Variants in DMAC2L observed in about 807,000 individuals in gnomAD.
DMAC2L encodes ATP synthase subunit s, mitochondrial.
In DMAC2L, 21 loss-of-function variants were observed where a neutral mutation model predicts 22.5. That is an observed-to-expected ratio of 0.93 (90% CI 0.66 to 1.34). The LOEUF is 1.34. Ranked by LOEUF, DMAC2L falls within the 40% of genes most tolerant of loss-of-function variation. The pLI, the probability that DMAC2L is intolerant of heterozygous loss-of-function variation, is 0.00. For synonymous variants in DMAC2L, 86 were observed against 89.5 expected (o/e 0.96, Z 0.22); for missense variants, 239 against 246.5 (o/e 0.97, Z 0.20).
At chr14:50,319,390 C>A in intron 2 of DMAC2L, 1 of 1,507,674 alleles carries the variant, frequency 6.6e-7, no homozygotes, top group Non-Finnish European at 8.9e-7. Context: ...GTGTTTCCCT[C>A]TCAGGCATCT....
chr14:50,324,152 G>A, intron 5 of DMAC2L, 36 bp downstream of exon 5: 2 of 1,565,248 alleles, frequency 1.3e-6, no homozygotes, highest in Non-Finnish European at 1.7e-6. Flanking sequence ...ACTTGATAAT[G>A]CTGTTAAGGT....
rs574600945 is a variant in DMAC2L at position 50,312,347 on chromosome 14, G to T, written c.-84G>T. On this transcript the variant is annotated 5_prime_UTR_variant, in exon 1 of 6. Coordinates refer to ENST00000557421, the MANE Select transcript of DMAC2L (RefSeq NM_001382507.1). The stretch of plus-strand genomic sequence containing the variant: ...AAGGGCCGGCCAGGGTGCCGCAGAC[G>T]CGGGGACGCTGGCTCGCTCCCTCCC... The T allele has an allele frequency of 2.9e-4, 208 of 712,520 alleles. 1 individual carries two copies. The Middle Eastern group carries it at 4.0e-3, about 14-fold the overall frequency. 44.1% of individuals were successfully genotyped at this position (712,520 alleles called of 1,614,324 possible). A position where few individuals can be genotyped will look rare whatever the true frequency, so the allele number is the denominator to read the frequency against.
intron 1 of DMAC2L, chr14:50,313,198 A>G (rs1485042845): frequency 1.4e-6 from 1 of 711,900 alleles, no homozygotes; most frequent in African/African-American, 1.8e-5. Flanking sequence ...GCAGTTTTTA[A>G]TTTTTAGGGT....
rs1302906800 is a variant in DMAC2L, at chr14:50,326,706, G to A, written c.*983G>A. The A allele has an allele frequency of 4.3e-5, 42 of 985,286 alleles. No homozygotes were observed. Among genetic ancestry groups the A allele is most frequent in the Non-Finnish European group, 4.8e-5 (40 of 829,942 alleles). The allele number at this position is 985,286 out of a possible 1,614,324, so 61.0% of individuals were successfully genotyped here. ...AGATTGCAATATAATAAAGGAAACA[G>A]TAAAAACTAGTGGGCTATGCTTAGG... On this transcript the variant is annotated 3_prime_UTR_variant, in exon 6 of 6. Transcript: ENST00000557421.
At chr14:50,318,133 T>C (rs1452127844) in intron 2 of DMAC2L, among the ~76,000 whole-genome samples, 4 of 152,194 alleles carry the variant, frequency 2.6e-5, no homozygotes, top group Non-Finnish European at 5.9e-5. Flanking sequence ...AGTAATTTAG[T>C]AGTGGTTATT....
intron 1 of DMAC2L, chr14:50,312,855 C>A (rs2031373671): frequency 2.9e-6 from 2 of 685,030 alleles, no homozygotes; most frequent in East Asian, 2.6e-5. Flanking sequence ...TTATGGGGCT[C>A]CTGGCGGTGC....
chr14:50,316,804 GTA>G (rs1312299245), intron 2 of DMAC2L, among the ~76,000 whole-genome samples: 2 of 152,136 alleles, frequency 1.3e-5, no homozygotes, highest in East Asian at 3.8e-4. Flanking sequence ...TGGCCTTATG[GTA>G]TAGTTTGAAA....
intron 2 of DMAC2L, among the ~76,000 whole-genome samples, chr14:50,315,724 G>A (rs934062335): frequency 2.7e-5 from 4 of 148,562 alleles, no homozygotes; most frequent in East Asian, 2.0e-4. Flanking sequence ...AGGTTGCTGC[G>A]AATGCCATTA....
At chr14:50,314,897 C>T (rs998453317) in intron 2 of DMAC2L, among the ~76,000 whole-genome samples, 2 of 152,194 alleles carry the variant, frequency 1.3e-5, no homozygotes, top group Non-Finnish European at 2.9e-5. Context: ...CTGCCTCAGC[C>T]TCCCAAAGTG....
Position 50,323,953 on chromosome 14 carries a change from G to T in DMAC2L, c.325G>T (p.Glu109Ter). The change falls in exon 5 of 6, where the codon GAG becomes TAG. Residue 109 changes from glutamate (E) to a stop codon, truncating the protein, a stop_gained. Coordinates refer to ENST00000557421, the MANE Select transcript of DMAC2L (RefSeq NM_001382507.1). LOFTEE classifies it high-confidence loss of function. Reference protein sequence around the residue: ...SIGFDHMEGLEHVEKIRLCKC... With the variant: ...SIGFDHMEGL ...GTACTTTTTCTCCCCAGAGGGCCTA[G>T]AGCATGTTGAAAAAATAAGGCTGTG... 1.2e-6 allele frequency: 2 copies of T among 1,610,444 alleles called. No individual in the cohort carries two copies. Among genetic ancestry groups the T allele is most frequent in the South Asian group, 2.2e-5 (2 of 90,360 alleles).
chr14:50,320,824 A>G (rs1474350559), intron 2 of DMAC2L, among the ~76,000 whole-genome samples: 1 of 152,226 alleles, frequency 6.6e-6, no homozygotes, highest in Non-Finnish European at 1.5e-5. Flanking sequence ...AATTGAGGTC[A>G]ATCAAATCGA....
rs1430849400 is a variant in DMAC2L at position 50,326,867 on chromosome 14, C to T, written c.*1144C>T. ...ACCAATTTGGGCAACACAGTGAGAC[C>T]CCATCTCTAAAAAAATTTTAAAAAT... On this transcript the variant is annotated 3_prime_UTR_variant, in exon 6 of 6. Coordinates refer to ENST00000557421, the MANE Select transcript of DMAC2L (RefSeq NM_001382507.1). The T allele has an allele frequency of 7.1e-6, 4 of 560,576 alleles. No individual in the cohort carries two copies. The highest frequency in any genetic ancestry group is 9.0e-6 in the Non-Finnish European group (4 of 442,710). 34.7% of individuals were successfully genotyped at this position (560,576 alleles called of 1,614,324 possible). A position where few individuals can be genotyped will look rare whatever the true frequency, so the allele number is the denominator to read the frequency against.
At chr14:50,317,697 G>C (rs913926847) in intron 2 of DMAC2L, among the ~76,000 whole-genome samples, 1 of 152,038 alleles carries the variant, frequency 6.6e-6, no homozygotes, top group South Asian at 2.1e-4. Context: ...TTGAACCCAG[G>C]AGGCAGAGGT....
rs1198629491 is a variant in DMAC2L, at chr14:50,312,935, ACCGGAAGAACCAGACAGC to A, written c.-42+547_-42+564del. 32 of 1,489,938 alleles carry A rather than the reference ACCGGAAGAACCAGACAGC, an allele frequency of 2.1e-5. No individual in the cohort carries two copies. In the African/African-American group the frequency reaches 4.3e-4, roughly 20 times the overall value. 92.3% of individuals were successfully genotyped at this position (1,489,938 alleles called of 1,614,324 possible). ...CTCTGTACTCGACCCGGCACTGGGTACCGGAAGAACCAGACAGCTCGGTTTTTGCCACCATTTATAAGT... is the reference window on the plus strand; with the variant it reads ...CTCTGTACTCGACCCGGCACTGGGTATCGGTTTTTGCCACCATTTATAAGT... On this transcript the variant is annotated intron_variant, in intron 1 of 5. Transcript: ENST00000557421.
rs572292843 is a variant in DMAC2L at position 50,312,363 on chromosome 14, G to GCTCCCTCC, written c.-55_-48dup. The GCTCCCTCC allele has an allele frequency of 1.1e-4, 70 of 637,606 alleles. 1 individual carries two copies. The highest frequency in any genetic ancestry group is 2.4e-4 in the African/African-American group (13 of 54,534). The allele number at this position is 637,606 out of a possible 1,614,324, so 39.5% of individuals were successfully genotyped here. On this transcript the variant is annotated 5_prime_UTR_variant, in exon 1 of 6. Transcript: ENST00000557421. ...GCCGCAGACGCGGGGACGCTGGCTCGCTCCCTCCCTCCCTCCCTCCGACGC... is the reference window on the plus strand; with the variant it reads ...GCCGCAGACGCGGGGACGCTGGCTCGCTCCCTCCCTCCCTCCCTCCCTCCCTCCGACGC...
In DMAC2L at chr14:50,321,570, GC is replaced by G. The variant is rs546765090; in HGVS notation, c.84del (p.Trp29GlyfsTer2). 1.4e-5 allele frequency: 22 copies of G among 1,613,928 alleles called. No individual in the cohort carries two copies. The African/African-American group carries it at 2.8e-4, about 21-fold the overall frequency. ...TCATGTGACTCCAGATACTTCTGGG[GC>G]TGGTTGAATGCAGTGTTTAATAAGT... Reference protein sequence around the residue: ...PWSCDSRYFWGWLNAVFNKVD... With the variant: ...PWSCDSRYFWXWLNAVFNKVD... On this transcript the variant is annotated frameshift_variant, in exon 3 of 6. Coordinates refer to ENST00000557421, the MANE Select transcript of DMAC2L (RefSeq NM_001382507.1). LOFTEE classifies it high-confidence loss of function.
Position 50,325,681 on chromosome 14 carries a change from G to A in DMAC2L, c.561G>A (p.Lys187=), listed in dbSNP as rs771834416. 5 of 1,612,852 alleles carry A rather than the reference G, an allele frequency of 3.1e-6. No individual in the cohort carries two copies. Among genetic ancestry groups the A allele is most frequent in the Non-Finnish European group, 4.2e-6 (5 of 1,179,534 alleles). Reference sequence around the variant, plus strand: ...AAGAAAATCTTGTCCAAGCCTTTAAGACAGCACTGCCTTCTCTGGAACTAA... The same window carrying A: ...AAGAAAATCTTGTCCAAGCCTTTAAAACAGCACTGCCTTCTCTGGAACTAA... ...REKENLVQAF[K]TALPSLELKL... The change falls in exon 6 of 6, where the codon AAG becomes AAA. Residue 187 remains lysine, a synonymous_variant. Transcript: ENST00000557421.
At chr14:50,322,391 T>A in intron 3 of DMAC2L, 120 bp from the exon 4 acceptor site, 1 of 1,126,510 alleles carries the variant, frequency 8.9e-7, no homozygotes, top group Non-Finnish European at 1.2e-6. Flanking sequence ...CTAATTTATC[T>A]TCCTCGTCAG....
intron 4 of DMAC2L, among the ~76,000 whole-genome samples, chr14:50,323,415 A>C (rs1340591789): frequency 1.8e-5 from 2 of 110,442 alleles, no homozygotes; most frequent in African/African-American, 7.3e-5. Flanking sequence ...TTTTTTTGAG[A>C]CAGAGTCTCA....
Sources: allele counts gnomAD v4.1 joint callset (sites outside exome capture counted in the v4.1 genomes callset), GRCh38; gene constraint gnomAD v4.1.1; transcripts MANE v1.5; gene names NCBI Gene and HGNC (gene_info 2026-07-23, HGNC 2026-07-21).